The following PCTP variants were observed in gnomAD, a reference collection of about 807,000 sequenced individuals.
PCTP encodes the protein phosphatidylcholine transfer protein.
A neutral mutation model predicts 31.0 loss-of-function variants in PCTP; 27 were observed. The observed-to-expected ratio is 0.87, with a 90% CI of 0.64 to 1.20. PCTP has a LOEUF of 1.20. Ranked by LOEUF, PCTP falls within the 50% of genes most tolerant of loss-of-function variation. PCTP has a pLI of 0.00. For synonymous variants in PCTP, 108 were observed against 101.2 expected (o/e 1.07, Z -0.40); for missense variants, 287 against 268.2 (o/e 1.07, Z -0.49).
intron 5 of PCTP, among the ~76,000 whole-genome samples, chr17:55,836,681 C>T (rs1905788166): frequency 6.6e-6 from 1 of 152,206 alleles, no homozygotes; most frequent in Non-Finnish European, 1.5e-5. Context: ...AACTCCATAC[C>T]TTTGTCCTGC....
At chr17:55,824,708 T>C (rs1905337616), downstream of PCTP, among the ~76,000 whole-genome samples, 1 of 152,198 alleles carries the variant, frequency 6.6e-6, no homozygotes. Flanking sequence ...AAATTTAGCC[T>C]TGGAGAAGAC....
intron 3 of PCTP, among the ~76,000 whole-genome samples, chr17:55,821,769 T>G (rs1415548232): frequency 6.6e-6 from 1 of 152,228 alleles, no homozygotes; most frequent in Non-Finnish European, 1.5e-5. Context: ...TGTCTCATTT[T>G]GAGTTTCAGG....
chr17:55,838,675 C>A (rs1207014137), intron 5 of PCTP, among the ~76,000 whole-genome samples: 1 of 152,158 alleles, frequency 6.6e-6, no homozygotes, highest in East Asian at 1.9e-4. Flanking sequence ...TCAAATGATG[C>A]TTTTTATTGA....
downstream of PCTP, among the ~76,000 whole-genome samples, chr17:55,845,890 GTGTGTGTGT>G (rs1567738072): frequency 7.8e-5 from 9 of 115,070 alleles, no homozygotes; most frequent in Admixed American, 1.8e-4. Flanking sequence ...GGGTTGGGGT[GTGTGTGTGT>G]GTGTGTGTGT....
downstream of PCTP, among the ~76,000 whole-genome samples, chr17:55,845,110 A>AAAG: frequency 6.7e-6 from 1 of 149,186 alleles, no homozygotes; most frequent in Non-Finnish European, 1.5e-5. Context: ...AAAAAAAAAA[A>AAAG]AAAGACATCT....
chr17:55,822,200 G>A (rs1913135791), intron 3 of PCTP, among the ~76,000 whole-genome samples: 1 of 152,152 alleles, frequency 6.6e-6, no homozygotes, highest in Non-Finnish European at 1.5e-5. Context: ...TCTCACCAAG[G>A]AACATTTGGA....
rs189390096 is a variant in PCTP, at chr17:55,788,304, G to A, written c.317+650G>A. 2.2e-3 allele frequency among the ~76,000 whole-genome samples: 335 copies of A among 152,288 alleles called. 1 individual carries two copies. The highest frequency in any genetic ancestry group is 7.8e-3 in the African/African-American group (324 of 41,560). On this transcript the variant is annotated intron_variant, in intron 3 of 3. Coordinates refer to the PCTP transcript ENST00000572536. ...AGTTTATTCTTGTCTTTAACAAACT[G>A]ACAAGCCTCTGATATATTGATCTCT...
intron 5 of PCTP, among the ~76,000 whole-genome samples, chr17:55,828,759 G>A (rs1017385371): frequency 3.3e-5 from 5 of 152,182 alleles, no homozygotes; most frequent in Admixed American, 2.6e-4. Flanking sequence ...AGCAGAAGAT[G>A]GGGGAGGGGG....
intron 3 of PCTP, among the ~76,000 whole-genome samples, chr17:55,772,542 G>A (rs1911069985): frequency 6.7e-6 from 1 of 148,572 alleles, no homozygotes; most frequent in Admixed American, 6.7e-5. Context: ...AGCCGAGATC[G>A]TGACACTCTA....
rs56823756 is a variant in PCTP at position 55,819,010 on chromosome 17, C to CAAAAAAAAAAAAAAAA, written c.318-3739_318-3724dup. 1.1e-3 allele frequency among the ~76,000 whole-genome samples: 57 copies of CAAAAAAAAAAAAAAAA among 51,100 alleles called. 1 individual carries two copies. The highest frequency in any genetic ancestry group is 1.6e-3 in the African/African-American group (24 of 15,138). 33.5% of individuals were successfully genotyped at this position (51,100 alleles called of 152,430 possible). ...GTCCTACCAGGCTCTGGAAAGAAATCAAAAAAAAAAAAAAAAAAAAAAAAA... is the reference window on the plus strand; with the variant it reads ...GTCCTACCAGGCTCTGGAAAGAAATCAAAAAAAAAAAAAAAAAAAAAAAAAAAAAAAAAAAAAAAAA... On this transcript the variant is annotated intron_variant, in intron 3 of 3. Transcript: ENST00000572536.
At chr17:55,830,858 T>C (rs1905571775) in intron 5 of PCTP, among the ~76,000 whole-genome samples, 1 of 152,192 alleles carries the variant, frequency 6.6e-6, no homozygotes, top group South Asian at 2.1e-4. Context: ...TGAAGTGGTG[T>C]CAGGCCGGCT....
At chr17:55,799,424 TGGTAAA>T in intron 3 of PCTP, among the ~76,000 whole-genome samples, 1 of 151,624 alleles carries the variant, frequency 6.6e-6, no homozygotes, top group Non-Finnish European at 1.5e-5. Flanking sequence ...TCCATTTGCT[TGGTAAA>T]TATTCCTCCA....
In PCTP at chr17:55,811,022, A is replaced by G. The variant is rs554736741; in HGVS notation, c.318-11739A>G. The stretch of plus-strand genomic sequence containing the variant: ...GGCCGGATAGTTGTTCCAAGCTATT[A>G]CCCATCTATAGAATGCCCTTCTCTC... On this transcript the variant is annotated intron_variant, in intron 3 of 3. Transcript: ENST00000572536. 2.0e-5 allele frequency among the ~76,000 whole-genome samples: 3 copies of G among 152,296 alleles called. No individual in the cohort carries two copies. In the South Asian group the frequency reaches 6.2e-4, roughly 32 times the overall value.
chr17:55,762,668 G>C (rs537826601), intron 1 of PCTP, among the ~76,000 whole-genome samples: 26 of 152,252 alleles, frequency 1.7e-4, no homozygotes, highest in African/African-American at 6.0e-4. Context: ...AGCATTCAGT[G>C]ATGCCAGCAA....
intron 1 of PCTP, among the ~76,000 whole-genome samples, chr17:55,756,708 AT>A (rs1910040201): frequency 7.8e-6 from 1 of 128,034 alleles, no homozygotes; most frequent in Non-Finnish European, 1.7e-5. Context: ...GTGTGTGTGT[AT>A]TATGAATGTG....
intron 5 of PCTP, among the ~76,000 whole-genome samples, chr17:55,840,391 A>G (rs750093573): frequency 2.6e-5 from 4 of 152,238 alleles, no homozygotes; most frequent in African/African-American, 4.8e-5. Context: ...TATAATTCCA[A>G]TCCACAGTTG....
chr17:55,770,307 A>G (rs899572688), intron 2 of PCTP: 1 of 152,198 alleles, frequency 6.6e-6, no homozygotes, highest in African/African-American at 2.4e-5. Context: ...CTAACTATTC[A>G]AGAAGGACGT....
intron 5 of PCTP, among the ~76,000 whole-genome samples, chr17:55,840,002 A>C (rs142284392): frequency 6.7e-6 from 1 of 149,732 alleles, no homozygotes; most frequent in Non-Finnish European, 1.5e-5. Flanking sequence ...TCCTGTCCTT[A>C]ATTTAGTTTA....
intron 5 of PCTP, among the ~76,000 whole-genome samples, chr17:55,833,203 C>A (rs746907795): frequency 6.6e-6 from 1 of 152,050 alleles, no homozygotes; most frequent in Non-Finnish European, 1.5e-5. Flanking sequence ...TAAAATAATT[C>A]AATTATTTTA....
Sources: allele counts gnomAD v4.1 joint callset (sites outside exome capture counted in the v4.1 genomes callset), GRCh38; gene constraint gnomAD v4.1.1; transcripts MANE v1.5; gene names NCBI Gene and HGNC (gene_info 2026-07-23, HGNC 2026-07-21).